The following CNTNAP2 variants were observed in gnomAD, a reference collection of about 807,000 sequenced individuals.
CNTNAP2 encodes the protein contactin-associated protein-like 2.
A neutral mutation model predicts 155.2 loss-of-function variants in CNTNAP2; 98 were observed. The observed-to-expected ratio is 0.63, with a 90% CI of 0.54 to 0.75. CNTNAP2 has a LOEUF of 0.75. Ranked by LOEUF, CNTNAP2 falls within the 30% of genes least tolerant of loss-of-function variation. The pLI is 0.00. For missense variants in CNTNAP2, 1,727 were observed against 1,688.1 expected (o/e 1.02, Z -0.40); for synonymous variants, 651 against 631.2 (o/e 1.03, Z -0.47).
intron 16 of CNTNAP2, among the ~76,000 whole-genome samples, chr7:148,123,574 G>T: frequency 6.6e-6 from 1 of 151,684 alleles, no homozygotes. Context: ...CCCCTAGCCT[G>T]AGTGACAGAG....
At chr7:147,458,921 G>A (rs975808856) in intron 10 of CNTNAP2, among the ~76,000 whole-genome samples, 25 of 152,168 alleles carry the variant, frequency 1.6e-4, no homozygotes, top group African/African-American at 6.0e-4. Flanking sequence ...TATTTCACAT[G>A]CATGAAATCA....
At chr7:147,612,042 G>A (rs1801198091) in intron 12 of CNTNAP2, among the ~76,000 whole-genome samples, 1 of 152,150 alleles carries the variant, frequency 6.6e-6, no homozygotes, top group Non-Finnish European at 1.5e-5. Flanking sequence ...GAAGACAGAT[G>A]AAAGTTTCAA....
intron 1 of CNTNAP2, among the ~76,000 whole-genome samples, chr7:146,565,475 A>C (rs1798343624): frequency 6.6e-6 from 1 of 152,132 alleles, no homozygotes. Flanking sequence ...AGAGTTAATG[A>C]AATAGTACCA....
At chr7:146,623,415 G>A (rs749349551) in intron 1 of CNTNAP2, among the ~76,000 whole-genome samples, 2 of 152,074 alleles carry the variant, frequency 1.3e-5, no homozygotes, top group Non-Finnish European at 2.9e-5. Flanking sequence ...AAAATGCCCT[G>A]TGCTTTGCCC....
chr7:146,230,703 C>T (rs186455467), intron 1 of CNTNAP2, among the ~76,000 whole-genome samples: 25 of 152,232 alleles, frequency 1.6e-4, no homozygotes, highest in Admixed American at 1.2e-3. Flanking sequence ...TGGCAATGTA[C>T]TTGTGAAGAT....
At chr7:146,855,485 TACAC>T (rs550015199) in intron 3 of CNTNAP2, among the ~76,000 whole-genome samples, 1 of 152,092 alleles carries the variant, frequency 6.6e-6, no homozygotes, top group Non-Finnish European at 1.5e-5. Context: ...TTGAAATAGA[TACAC>T]AGCAGCTGTG....
intron 8 of CNTNAP2, among the ~76,000 whole-genome samples, chr7:147,204,912 T>A (rs1802990052): frequency 6.6e-6 from 1 of 152,104 alleles, no homozygotes; most frequent in South Asian, 2.1e-4. Context: ...ACCAATAAGT[T>A]GCCTTGTTTA....
At chr7:148,277,890 C>T (rs1244662233) in intron 21 of CNTNAP2, among the ~76,000 whole-genome samples, 2 of 150,976 alleles carry the variant, frequency 1.3e-5, no homozygotes, top group Non-Finnish European at 2.9e-5. Flanking sequence ...AACAACAATT[C>T]TATTTTTATC....
At chr7:147,012,580 A>G (rs1052980231) in intron 3 of CNTNAP2, among the ~76,000 whole-genome samples, 1 of 152,158 alleles carries the variant, frequency 6.6e-6, no homozygotes, top group African/African-American at 2.4e-5. Context: ...AAAGTAAATG[A>G]CAGATTAATT....
At chr7:147,932,108 A>G (rs1800517014) in intron 14 of CNTNAP2, among the ~76,000 whole-genome samples, 1 of 151,804 alleles carries the variant, frequency 6.6e-6, no homozygotes, top group Non-Finnish European at 1.5e-5. Context: ...CTGATCTCAA[A>G]CTCCTGGGCT....
At chr7:148,053,308 T>C (rs978741525) in intron 15 of CNTNAP2, among the ~76,000 whole-genome samples, 10 of 152,220 alleles carry the variant, frequency 6.6e-5, no homozygotes, top group African/African-American at 2.4e-4. Flanking sequence ...AAAATACACA[T>C]TATTCATATA....
At chr7:146,525,099 GA>G (rs202012805) in intron 1 of CNTNAP2, among the ~76,000 whole-genome samples, 7 of 148,634 alleles carry the variant, frequency 4.7e-5, no homozygotes, top group Admixed American at 1.3e-4. Context: ...TGTTTTAGCT[GA>G]AAAAAAAACG....
intron 3 of CNTNAP2, among the ~76,000 whole-genome samples, chr7:146,847,016 GTTGAACTCAATGCTAATTTTTTTTACA>G (rs1205748304): frequency 3.3e-5 from 5 of 151,600 alleles, no homozygotes; most frequent in Admixed American, 6.6e-5. Flanking sequence ...TTTTTTTTAC[GTTGAACTCAATGCTAATTTTTTTTACA>G]TTGAACTCAA....
At chr7:146,404,761 C>A (rs182355649) in intron 1 of CNTNAP2, among the ~76,000 whole-genome samples, 14 of 152,056 alleles carry the variant, frequency 9.2e-5, no homozygotes, top group African/African-American at 3.4e-4. Context: ...CTTCTTCCCT[C>A]CTCGTCCTTC....
chr7:148,382,778 T>C (rs1448196694), intron 21 of CNTNAP2, among the ~76,000 whole-genome samples: 4 of 152,222 alleles, frequency 2.6e-5, no homozygotes. Flanking sequence ...CAGTAGTGGT[T>C]AAAAGGCTCT....
Position 146,905,693 on chromosome 7 carries a change from T to G in CNTNAP2, c.402+65789T>G, listed in dbSNP as rs555267917. Among the ~76,000 whole-genome samples the G allele has an allele frequency of 3.9e-5, 6 of 152,342 alleles. 1 individual carries two copies. In the South Asian group the frequency reaches 1.0e-3, roughly 26 times the overall value. On this transcript the variant is annotated intron_variant, in intron 3 of 23. Transcript: ENST00000361727. The stretch of plus-strand genomic sequence containing the variant: ...CTCCTTCTAAAGCATGGGACCTCAG[T>G]GGGCAATGAGTGATAAGCCAGTGGG...
intron 1 of CNTNAP2, among the ~76,000 whole-genome samples, chr7:146,448,944 C>G (rs73738793): frequency 0.017 from 2,583 of 152,090 alleles, 74 homozygotes; most frequent in African/African-American, 0.058. Context: ...TTTTCTGTTA[C>G]TCTGATGACA....
chr7:147,793,484 A>C (rs1797850414), intron 13 of CNTNAP2, among the ~76,000 whole-genome samples: 1 of 152,104 alleles, frequency 6.6e-6, no homozygotes, highest in South Asian at 2.1e-4. Context: ...GCTGAAAATC[A>C]GTTGACCATA....
chr7:147,445,069 C>A (rs1323701970), intron 10 of CNTNAP2, among the ~76,000 whole-genome samples: 2 of 152,142 alleles, frequency 1.3e-5, no homozygotes, highest in Non-Finnish European at 2.9e-5. Context: ...AATCCGCCCC[C>A]ATGATCCAAT....
Sources: allele counts gnomAD v4.1 joint callset (sites outside exome capture counted in the v4.1 genomes callset), GRCh38; gene constraint gnomAD v4.1.1; transcripts MANE v1.5; gene names NCBI Gene and HGNC (gene_info 2026-07-23, HGNC 2026-07-21).